Variants in ANO6 observed in about 807,000 individuals in gnomAD.
ANO6 encodes the protein anoctamin 6, also known as anoctamin-6.
In ANO6, 106 loss-of-function variants were observed where a neutral mutation model predicts 117.5. The ratio of observed to expected loss-of-function variants is 0.90; its 90% CI spans 0.77 to 1.06. The LOEUF is 1.06. Ranked by LOEUF, ANO6 falls within the 50% of genes least tolerant of loss-of-function variation. ANO6 has a pLI of 0.00. For missense variants in ANO6, 955 were observed against 1,121.1 expected, an observed-to-expected ratio of 0.85 and a Z score of 2.12; for synonymous variants, 367 against 385.1, an observed-to-expected ratio of 0.95 and a Z score of 0.55.
At position 45,322,917 on chromosome 12, in the gene ANO6, G is replaced by A. The variant is rs146699446; in HGVS notation, c.151-8378G>A. Among the ~76,000 whole-genome samples the A allele has an allele frequency of 1.8e-3, 270 of 152,140 alleles. 2 individuals are homozygous for A. The highest frequency in any genetic ancestry group is 6.2e-3 in the African/African-American group (256 of 41,522). On this transcript the variant is annotated intron_variant, in intron 2 of 19. Transcript: ENST00000320560. The stretch of plus-strand genomic sequence containing the variant: ...TCAGAATGCTTCCTTTTTTCCAATA[G>A]CAGGACTATATCATTGAACGTATTT...
At chr12:45,314,565 T>C (rs1218969395) in intron 2 of ANO6, among the ~76,000 whole-genome samples, 1 of 151,506 alleles carries the variant, frequency 6.6e-6, no homozygotes, top group African/African-American at 2.4e-5. Flanking sequence ...TACATATACA[T>C]ATATGTGTAT....
chr12:45,417,094 C>T (rs1943233596), intron 17 of ANO6, among the ~76,000 whole-genome samples, 190 bp downstream of exon 17: 1 of 152,168 alleles, frequency 6.6e-6, no homozygotes, highest in Admixed American at 6.5e-5. Context: ...TTATTTTTAA[C>T]TGTCAAGACC....
chr12:45,411,747 C>A (rs918056491), intron 16 of ANO6, among the ~76,000 whole-genome samples: 1 of 152,202 alleles, frequency 6.6e-6, no homozygotes, highest in Non-Finnish European at 1.5e-5. Flanking sequence ...CTGACAAGTC[C>A]TGCTGAGCCT....
chr12:45,329,479 C>T (rs1029834279), intron 2 of ANO6, among the ~76,000 whole-genome samples: 6 of 152,112 alleles, frequency 3.9e-5, no homozygotes, highest in Admixed American at 1.3e-4. Flanking sequence ...GGGAGGTTTG[C>T]ATGCAGACCA....
intron 1 of ANO6, among the ~76,000 whole-genome samples, chr12:45,289,262 A>G (rs1378472487): frequency 2.0e-5 from 3 of 149,518 alleles, no homozygotes; most frequent in East Asian, 4.0e-4. Context: ...CACCTCCCAG[A>G]TTCAAGCTAT....
rs1943613573 is a variant in ANO6 at position 45,430,791 on chromosome 12, T to C, written c.*1480T>C. ...TTTATTGCCTTGTAAGTGTCAGGCCTCCTGGGCGCTCTGGAAAAGACAGGG... is the reference window on the plus strand; with the variant it reads ...TTTATTGCCTTGTAAGTGTCAGGCCCCCTGGGCGCTCTGGAAAAGACAGGG... On this transcript the variant is annotated 3_prime_UTR_variant, in exon 20 of 20. Transcript: ENST00000320560. 1 of 985,314 alleles carries C rather than the reference T, an allele frequency of 1.0e-6. No homozygotes were observed. The highest frequency in any genetic ancestry group is 1.2e-6 in the Non-Finnish European group (1 of 829,992). 61.0% of individuals were successfully genotyped at this position (985,314 alleles called of 1,614,324 possible).
At chr12:45,307,156 A>G (rs1241642766) in intron 2 of ANO6, among the ~76,000 whole-genome samples, 3 of 152,092 alleles carry the variant, frequency 2.0e-5, no homozygotes, top group African/African-American at 4.8e-5. Context: ...TGGAGGGTAA[A>G]CTGGCAGATT....
chr12:45,324,954 G>A (rs912185597), intron 2 of ANO6, among the ~76,000 whole-genome samples: 4 of 152,166 alleles, frequency 2.6e-5, no homozygotes, highest in African/African-American at 9.7e-5. Flanking sequence ...CACAGCTATC[G>A]ATTTGGTGAC....
At chr12:45,246,571 G>A (rs776013489) in intron 1 of ANO6, among the ~76,000 whole-genome samples, 3 of 152,078 alleles carry the variant, frequency 2.0e-5, no homozygotes, top group Non-Finnish European at 4.4e-5. Context: ...GTCAGATTTA[G>A]GGAATTCATT....
chr12:45,301,429 T>G (rs1939483342), intron 1 of ANO6, among the ~76,000 whole-genome samples: 1 of 151,568 alleles, frequency 6.6e-6, no homozygotes, highest in Non-Finnish European at 1.5e-5. Context: ...TACCCCTGTC[T>G]CTACAAAAGA....
chr12:45,271,945 C>A (rs975003265), intron 1 of ANO6, among the ~76,000 whole-genome samples: 1 of 152,112 alleles, frequency 6.6e-6, no homozygotes, highest in Non-Finnish European at 1.5e-5. Context: ...TACTTTCATG[C>A]ATTATTTTTA....
chr12:45,390,363 A>T (rs1593052888), intron 11 of ANO6, 58 bp from the exon 12 acceptor site: 1 of 1,359,722 alleles, frequency 7.4e-7, no homozygotes, highest in East Asian at 2.3e-5. Context: ...GTCAGGAGAA[A>T]AATAATTTTA....
chr12:45,252,403 G>C (rs1324081875), intron 1 of ANO6, among the ~76,000 whole-genome samples: 1 of 152,198 alleles, frequency 6.6e-6, no homozygotes, highest in Non-Finnish European at 1.5e-5. Flanking sequence ...AATATTACAG[G>C]AAAGTGGCCA....
intron 1 of ANO6, chr12:45,228,193 G>A (rs1294878237): frequency 1.8e-5 from 8 of 441,268 alleles, no homozygotes; most frequent in East Asian, 7.2e-5. Flanking sequence ...GTGGAGTAGC[G>A]CAATCATGGC....
chr12:45,244,603 A>G (rs1230360768), intron 1 of ANO6, among the ~76,000 whole-genome samples: 3 of 152,158 alleles, frequency 2.0e-5, no homozygotes, highest in East Asian at 1.9e-4. Context: ...AACTGGGATA[A>G]TTATGGTACA....
chr12:45,377,944 C>T lies in ANO6; in HGVS notation c.1105-109C>T, dbSNP rs975961416. On this transcript the variant is annotated intron_variant, in intron 9 of 19. Coordinates refer to ENST00000320560, the MANE Select transcript of ANO6 (RefSeq NM_001025356.3). ...CATAGATGATTGTTAAACTAGGCAT[C>T]ACCTTTGAAAAGAACTTCAAGACTG... 1.1e-5 allele frequency: 11 copies of T among 1,013,662 alleles called. No individual in the cohort carries two copies. The South Asian group carries it at 1.3e-4, about 12-fold the overall frequency. 62.8% of individuals were successfully genotyped at this position (1,013,662 alleles called of 1,614,324 possible). A position where few individuals can be genotyped will look rare whatever the true frequency, so the allele number is the denominator to read the frequency against.
rs190083071 is a variant in ANO6, at chr12:45,344,889, G to A, written c.280-2133G>A. Among the ~76,000 whole-genome samples, 270 of 152,286 alleles carry A rather than the reference G, an allele frequency of 1.8e-3. 2 individuals are homozygous for A. Among genetic ancestry groups the A allele is most frequent in the African/African-American group, 6.1e-3 (254 of 41,548 alleles). ...AAGTTGGGAATATGGTGGGTCAGGG[G>A]TGGAAAGTGCTGAAGAACTTCTCAG... On this transcript the variant is annotated intron_variant, in intron 3 of 19. Coordinates refer to ENST00000320560, the MANE Select transcript of ANO6 (RefSeq NM_001025356.3).
downstream of ANO6, among the ~76,000 whole-genome samples, chr12:45,432,664 A>T (rs1192041183): frequency 1.3e-5 from 2 of 152,234 alleles, no homozygotes; most frequent in African/African-American, 2.4e-5. Context: ...ATGTGTTAAA[A>T]TATCTGCAAT....
intron 8 of ANO6, among the ~76,000 whole-genome samples, chr12:45,362,630 T>C (rs1333172844): frequency 2.6e-5 from 4 of 152,160 alleles, no homozygotes; most frequent in African/African-American, 9.6e-5. Flanking sequence ...TCATTACTAC[T>C]TTTTTTGTGT....
Sources: gnomAD v4.1 joint callset for allele counts (sites outside exome capture counted in the v4.1 genomes callset) on GRCh38, gnomAD v4.1.1 for gene constraint, MANE v1.5 for transcripts, NCBI Gene and HGNC (gene_info 2026-07-23, HGNC 2026-07-21) for gene names.